Variants in CDC14A observed in about 807,000 individuals in gnomAD.
The protein encoded by CDC14A is dual specificity protein phosphatase CDC14A.
In CDC14A, 53 loss-of-function variants were observed where a neutral mutation model predicts 74.4. That is an observed-to-expected ratio of 0.71 (90% CI 0.57 to 0.89). The LOEUF (loss-of-function observed/expected upper bound fraction) is 0.89. CDC14A is among the 40% of genes least tolerant of loss of function. The pLI is 0.00. For missense variants in CDC14A, 646 were observed against 713.7 expected (o/e 0.91, Z 1.08); for synonymous variants, 247 against 258.4 (o/e 0.96, Z 0.43).
In CDC14A at chr1:100,386,939, G is replaced by T. The variant is rs114085725; in HGVS notation, c.217-3793G>T. On this transcript the variant is annotated intron_variant, in intron 3 of 15. Coordinates refer to ENST00000336454, the MANE Select transcript of CDC14A (RefSeq NM_003672.4). ...CTGGGTGTTAGTATTGCTTCTTCTAGGGTGCTTTGATTATGTAATAGTATT... is the reference window on the plus strand; with the variant it reads ...CTGGGTGTTAGTATTGCTTCTTCTATGGTGCTTTGATTATGTAATAGTATT... Among the ~76,000 whole-genome samples, 508 of 152,226 alleles carry T rather than the reference G, an allele frequency of 3.3e-3. 4 individuals carry two copies. The highest frequency in any genetic ancestry group is 0.011 in the African/African-American group (446 of 41,530).
intron 2 of CDC14A, among the ~76,000 whole-genome samples, chr1:100,364,991 G>A (rs968050838): frequency 1.3e-5 from 2 of 152,214 alleles, no homozygotes; most frequent in Admixed American, 6.5e-5. Context: ...AAGGTAATAA[G>A]TGGAGAATGG....
rs1292929834 is a variant in CDC14A, at chr1:100,393,646, G to A, written c.309+2822G>A. The stretch of plus-strand genomic sequence containing the variant: ...TGCACACCAGAGGCTTCATAACCTT[G>A]ATCAAAATATGGATCAAGTGGTCAA... On this transcript the variant is annotated intron_variant, in intron 4 of 15. Transcript: ENST00000336454. 5 of 584,420 alleles carry A rather than the reference G, an allele frequency of 8.6e-6. No individual in the cohort carries two copies. In the Admixed American group the frequency reaches 1.1e-4, roughly 12 times the overall value. The allele number at this position is 584,420 out of a possible 1,614,324, so 36.2% of individuals were successfully genotyped here. A position where few individuals can be genotyped will look rare whatever the true frequency, so the allele number is the denominator to read the frequency against.
chr1:100,364,051 C>T (rs1268845241), intron 2 of CDC14A, among the ~76,000 whole-genome samples: 1 of 152,038 alleles, frequency 6.6e-6, no homozygotes, highest in Non-Finnish European at 1.5e-5. Flanking sequence ...ATCACTTGAG[C>T]TTAGGAGGTC....
At chr1:100,398,318 C>T (rs1483408096) in intron 4 of CDC14A, among the ~76,000 whole-genome samples, 1 of 152,116 alleles carries the variant, frequency 6.6e-6, no homozygotes, top group Non-Finnish European at 1.5e-5. Context: ...GGGCTACCTC[C>T]CTGATGATCG....
intron 8 of CDC14A, among the ~76,000 whole-genome samples, chr1:100,458,354 A>G (rs142761491): frequency 1.1e-4 from 17 of 152,350 alleles, no homozygotes; most frequent in African/African-American, 4.1e-4. Flanking sequence ...AAAACATCAT[A>G]TAATCAAGAA....
intron 2 of CDC14A, among the ~76,000 whole-genome samples, chr1:100,374,332 G>T (rs1654926432): frequency 6.6e-6 from 1 of 152,102 alleles, no homozygotes; most frequent in Non-Finnish European, 1.5e-5. Context: ...GTAATGGGAT[G>T]GCTGGGTCAA....
At chr1:100,440,678 C>G (rs971019394) in intron 6 of CDC14A, among the ~76,000 whole-genome samples, 7 of 151,946 alleles carry the variant, frequency 4.6e-5, no homozygotes, top group Non-Finnish European at 1.0e-4. Context: ...ATTACATAAC[C>G]TATTGATCAT....
chr1:100,496,370 T>A (rs1463596707), intron 13 of CDC14A, among the ~76,000 whole-genome samples: 15 of 152,186 alleles, frequency 9.9e-5, no homozygotes. Flanking sequence ...TAGTGATAGA[T>A]CTAGCTTAAA....
intron 9 of CDC14A, among the ~76,000 whole-genome samples, chr1:100,464,806 C>T (rs948974472): frequency 6.6e-6 from 1 of 152,160 alleles, no homozygotes; most frequent in Non-Finnish European, 1.5e-5. Flanking sequence ...GCAAAGAAAA[C>T]TCTCTGGTGT....
At chr1:100,431,097 A>T (rs1273000514) in intron 5 of CDC14A, among the ~76,000 whole-genome samples, 1 of 152,222 alleles carries the variant, frequency 6.6e-6, no homozygotes, top group African/African-American at 2.4e-5. Flanking sequence ...TACCCCCATG[A>T]AAAAAGACTC....
chr1:100,461,561 G>A (rs893985856), intron 8 of CDC14A, among the ~76,000 whole-genome samples: 3 of 152,212 alleles, frequency 2.0e-5, no homozygotes, highest in Non-Finnish European at 4.4e-5. Context: ...CCATCAGTGT[G>A]CTGGGAACTT....
intron 7 of CDC14A, among the ~76,000 whole-genome samples, chr1:100,449,549 C>A (rs543460490): frequency 6.6e-6 from 1 of 152,206 alleles, no homozygotes. Context: ...GCTCCCTCCT[C>A]CTGCCTGTCA....
In CDC14A at chr1:100,420,053, C is replaced by CAATATATATAT. The variant is rs1420823843; in HGVS notation, c.310-4168_310-4167insATATATATATA. Among the ~76,000 whole-genome samples the CAATATATATAT allele has an allele frequency of 2.7e-4, 5 of 18,374 alleles. No homozygotes were observed. In the East Asian group the frequency reaches 9.2e-3, roughly 34 times the overall value. 12.1% of individuals were successfully genotyped at this position (18,374 alleles called of 152,430 possible). The stretch of plus-strand genomic sequence containing the variant: ...ATATACACACACACACACACACACA[C>CAATATATATAT]ACACACACACATATATATATATATA... On this transcript the variant is annotated intron_variant, in intron 4 of 15. Transcript: ENST00000336454.
intron 15 of CDC14A, among the ~76,000 whole-genome samples, chr1:100,501,429 A>G (rs1194383006): frequency 1.3e-5 from 2 of 152,246 alleles, no homozygotes; most frequent in African/African-American, 2.4e-5. Flanking sequence ...AATGGAGCTG[A>G]AAAATTCCTA....
intron 12 of CDC14A, 64 bp from the exon 13 acceptor site, chr1:100,495,938 C>T (rs1571341147): frequency 7.5e-7 from 1 of 1,338,262 alleles, no homozygotes; most frequent in Middle Eastern, 1.8e-4. Flanking sequence ...TTTGATGTGC[C>T]TTGTGGTCTT....
chr1:100,362,673 G>A (rs1339563165), intron 2 of CDC14A, among the ~76,000 whole-genome samples: 1 of 152,044 alleles, frequency 6.6e-6, no homozygotes, highest in Non-Finnish European at 1.5e-5. Flanking sequence ...AAAATATATT[G>A]GTTTGTTTTA....
chr1:100,452,905 C>G (rs1241717079), intron 7 of CDC14A, among the ~76,000 whole-genome samples: 2 of 152,102 alleles, frequency 1.3e-5, no homozygotes, highest in African/African-American at 4.8e-5. Context: ...GAAAAACCAA[C>G]TTGGGTCATA....
intron 4 of CDC14A, among the ~76,000 whole-genome samples, chr1:100,420,072 A>ATATATATATATATATATATATATG (rs1557740738): frequency 3.7e-5 from 4 of 108,054 alleles, no homozygotes; most frequent in Non-Finnish European, 7.5e-5. Flanking sequence ...ACATATATAT[A>ATATATATATATATATATATATATG]TATATATATA....
intron 11 of CDC14A, chr1:100,485,363 C>A (rs2008056): frequency 1.1e-6 from 1 of 948,658 alleles, no homozygotes; most frequent in Non-Finnish European, 1.3e-6. Flanking sequence ...TTTTATATCT[C>A]TAAAGGAGAA....
Sources: allele counts gnomAD v4.1 joint callset (sites outside exome capture counted in the v4.1 genomes callset), GRCh38; gene constraint gnomAD v4.1.1; transcripts MANE v1.5; gene names NCBI Gene and HGNC (gene_info 2026-07-23, HGNC 2026-07-21).